FRMPD4: variants seen among roughly 807,000 people sequenced by gnomAD.
FRMPD4 encodes FERM and PDZ domain containing 4.
In FRMPD4, 22 loss-of-function variants were observed where a neutral mutation model predicts 94.1. That is an observed-to-expected ratio of 0.23 (90% CI 0.17 to 0.33). FRMPD4 has a LOEUF of 0.33. FRMPD4 is among the 10% of genes least tolerant of loss of function. FRMPD4 has a pLI of 1.00. For missense variants in FRMPD4, 1,111 were observed against 1,339.9 expected (o/e 0.83, Z 2.67); for synonymous variants, 631 against 548.6 (o/e 1.15, Z -2.10).
intron 2 of FRMPD4, among the ~76,000 whole-genome samples, chrX:12,528,324 T>C (rs1054449090): frequency 3.0e-5 from 3 of 99,019 alleles, no homozygotes; most frequent in Non-Finnish European, 6.1e-5. Flanking sequence ...TTTTTGTTTT[T>C]TTTTTTTTTT....
chrX:12,487,352 C>A (rs1172912787), intron 1 of FRMPD4, among the ~76,000 whole-genome samples: 1 of 112,156 alleles, frequency 8.9e-6, no homozygotes, highest in Non-Finnish European at 1.9e-5. Context: ...ATGAACAAAA[C>A]AAAAATAAAT....
chrX:12,498,647 G>C, intron 1 of FRMPD4, 33 bp from the exon 2 acceptor site: 1 of 773,327 alleles, frequency 1.3e-6, no homozygotes, highest in Non-Finnish European at 2.0e-6. Context: ...CAGGAGTCAG[G>C]TGTAATGATG....
At chrX:12,332,856 C>A (rs1243811930) in intron 1 of FRMPD4, among the ~76,000 whole-genome samples, 1 of 112,055 alleles carries the variant, frequency 8.9e-6, no homozygotes, top group Non-Finnish European at 1.9e-5. Context: ...AATACTGCAT[C>A]ATTAAGCAAG....
chrX:12,363,525 G>A (rs909410403), intron 1 of FRMPD4, among the ~76,000 whole-genome samples: 1 of 111,968 alleles, frequency 8.9e-6, no homozygotes, highest in Non-Finnish European at 1.9e-5. Context: ...GGAGGAAAGC[G>A]GAAGAGGAGT....
intron 3 of FRMPD4, among the ~76,000 whole-genome samples, chrX:11,908,061 G>C (rs1007439393): frequency 9.1e-6 from 1 of 109,542 alleles, no homozygotes; most frequent in Admixed American, 9.8e-5. Context: ...CTTCCTGTGG[G>C]TCACCCTTTT....
rs771075794 is a variant in FRMPD4 at position 12,205,237 on chromosome X, A to G, written c.41+66225A>G. Reference sequence around the variant, plus strand: ...TAGATGAGGATTTATCCAATTTTCAATGATTTCCAGAGAGAGAAATTTCAC... The same window carrying G: ...TAGATGAGGATTTATCCAATTTTCAGTGATTTCCAGAGAGAGAAATTTCAC... On this transcript the variant is annotated intron_variant, in intron 1 of 16. Coordinates refer to ENST00000675598, the MANE Select transcript of FRMPD4 (RefSeq NM_001368397.1). 4.5e-5 allele frequency among the ~76,000 whole-genome samples: 5 copies of G among 111,406 alleles called. No homozygotes were observed. The South Asian group carries it at 1.5e-3, about 34-fold the overall frequency.
chrX:12,198,282 T>G (rs2056589284), intron 1 of FRMPD4, among the ~76,000 whole-genome samples: 1 of 111,932 alleles, frequency 8.9e-6, no homozygotes, highest in African/African-American at 3.3e-5. Flanking sequence ...CTGGTCTTTA[T>G]TCATACTTGT....
At chrX:11,899,933 A>G (rs983227074) in intron 3 of FRMPD4, among the ~76,000 whole-genome samples, 1 of 111,955 alleles carries the variant, frequency 8.9e-6, no homozygotes, top group Non-Finnish European at 1.9e-5. Flanking sequence ...ATTTATCACC[A>G]TTGCTATACC....
chrX:12,655,695 A>C lies in FRMPD4; in HGVS notation c.423-19168A>C, dbSNP rs758214622. Among the ~76,000 whole-genome samples the C allele has an allele frequency of 8.9e-5, 10 of 112,306 alleles. No individual in the cohort carries two copies. The East Asian group carries it at 2.2e-3, about 25-fold the overall frequency. The stretch of plus-strand genomic sequence containing the variant: ...AATGCTGTTTGAAATTTTGATATTT[A>C]ACTTATCAAAGAACACATCCTTGAA... On this transcript the variant is annotated intron_variant, in intron 4 of 16. Coordinates refer to ENST00000675598, the MANE Select transcript of FRMPD4 (RefSeq NM_001368397.1).
intron 3 of FRMPD4, among the ~76,000 whole-genome samples, chrX:12,059,461 A>C (rs1490091154): frequency 1.2e-4 from 13 of 110,972 alleles, no homozygotes; most frequent in African/African-American, 4.3e-4. Context: ...CTAGTGTCAC[A>C]ATTTTTTTTC....
At chrX:12,301,865 T>C (rs1232153247) in intron 1 of FRMPD4, among the ~76,000 whole-genome samples, 3 of 111,910 alleles carry the variant, frequency 2.7e-5, no homozygotes, top group African/African-American at 9.7e-5. Context: ...AGTAGATGCT[T>C]AAGGATACAA....
chrX:12,358,146 C>T lies in FRMPD4; in HGVS notation c.42-140534C>T, dbSNP rs142740303. On this transcript the variant is annotated intron_variant, in intron 1 of 16. Transcript: ENST00000675598. ...GTTGATCAGTTCTCCAGTTTATGAG[C>T]GTGTGGGTTGTTATCACATTTTGGC... 2.5e-3 allele frequency among the ~76,000 whole-genome samples: 282 copies of T among 112,029 alleles called. 1 individual carries two copies. Among genetic ancestry groups the T allele is most frequent in the Non-Finnish European group, 4.3e-3 (228 of 53,180 alleles).
At chrX:12,449,752 C>CCA (rs1432122488) in intron 1 of FRMPD4, among the ~76,000 whole-genome samples, 5 of 111,291 alleles carry the variant, frequency 4.5e-5, no homozygotes, top group African/African-American at 1.6e-4. Context: ...CTTCGGGAGA[C>CCA]CAAGGTGGGA....
chrX:12,305,613 A>G (rs2054923660), intron 1 of FRMPD4, among the ~76,000 whole-genome samples: 1 of 106,976 alleles, frequency 9.3e-6, no homozygotes, highest in African/African-American at 3.4e-5. Context: ...GCTGGAGTGC[A>G]GTAGCACAAT....
chrX:12,158,411 G>A (rs2055970295), intron 1 of FRMPD4, among the ~76,000 whole-genome samples: 1 of 111,792 alleles, frequency 8.9e-6, no homozygotes, highest in Non-Finnish European at 1.9e-5. Context: ...TTTTAAGACT[G>A]TTCGGTGATG....
At chrX:12,259,076 A>C (rs757141661) in intron 1 of FRMPD4, among the ~76,000 whole-genome samples, 1 of 112,049 alleles carries the variant, frequency 8.9e-6, no homozygotes, top group Non-Finnish European at 1.9e-5. Flanking sequence ...CAATGGCTTA[A>C]CCAAATACTA....
chrX:11,974,734 G>A, intron 3 of FRMPD4, among the ~76,000 whole-genome samples: 1 of 111,956 alleles, frequency 8.9e-6, no homozygotes. Flanking sequence ...CTTGTGTGTG[G>A]TTCCTTGGAA....
intron 3 of FRMPD4, among the ~76,000 whole-genome samples, chrX:11,942,798 G>A (rs979260371): frequency 3.6e-5 from 4 of 111,878 alleles, no homozygotes; most frequent in African/African-American, 9.7e-5. Flanking sequence ...GCACTAGCTA[G>A]TTCAATAACA....
chrX:12,277,386 T>G (rs1429570078), intron 1 of FRMPD4, among the ~76,000 whole-genome samples: 1 of 112,136 alleles, frequency 8.9e-6, no homozygotes, highest in East Asian at 2.8e-4. Flanking sequence ...GAAGTTGGAA[T>G]TGAATGCTTC....
Sources: allele counts gnomAD v4.1 joint callset (sites outside exome capture counted in the v4.1 genomes callset), GRCh38; gene constraint gnomAD v4.1.1; transcripts MANE v1.5; gene names NCBI Gene and HGNC (gene_info 2026-07-23, HGNC 2026-07-21).